The following VPS35L variants were observed in gnomAD, a reference collection of about 807,000 sequenced individuals.
VPS35L encodes the protein VPS35 endosomal protein sorting factor like.
A neutral mutation model predicts 133.0 loss-of-function variants in VPS35L; 83 were observed. The observed-to-expected ratio is 0.62, with a 90% CI of 0.52 to 0.75. The LOEUF is 0.75. VPS35L is among the 30% of genes least tolerant of loss of function. The probability of loss-of-function intolerance (pLI) is 0.00; values close to 1 mark genes in which losing one functional copy is unlikely to be tolerated. For synonymous variants in VPS35L, 423 were observed against 449.9 expected, an observed-to-expected ratio of 0.94 and a Z score of 0.76; for missense variants, 1,083 against 1,206.8, an observed-to-expected ratio of 0.90 and a Z score of 1.52.
chr16:19,628,993 T>C (rs1448238154), intron 17 of VPS35L, among the ~76,000 whole-genome samples: 2 of 152,184 alleles, frequency 1.3e-5, no homozygotes, highest in East Asian at 1.9e-4. Context: ...GTTTTCACCA[T>C]GTTGGTCAGG....
intron 28 of VPS35L, among the ~76,000 whole-genome samples, chr16:19,689,276 GTT>G (rs11327238): frequency 2.8e-5 from 4 of 144,190 alleles, no homozygotes; most frequent in Non-Finnish European, 6.1e-5. Flanking sequence ...TGTGCCTGGC[GTT>G]TTTTTTTTTT....
intron 6 of VPS35L, among the ~76,000 whole-genome samples, chr16:19,580,473 C>G (rs952290400): frequency 1.3e-5 from 2 of 151,956 alleles, no homozygotes; most frequent in Non-Finnish European, 2.9e-5. Context: ...ACATATAAAC[C>G]TTTGGTTCCA....
At position 19,628,625 on chromosome 16, in the gene VPS35L, C is replaced by G. The variant is rs772675601; in HGVS notation, c.1384-12C>G. 2 of 1,432,930 alleles carry G rather than the reference C, an allele frequency of 1.4e-6. No individual in the cohort carries two copies. The highest frequency in any genetic ancestry group is 1.9e-6 in the Non-Finnish European group (2 of 1,027,070). 88.8% of individuals were successfully genotyped at this position (1,432,930 alleles called of 1,614,324 possible). On this transcript the variant is annotated splice_polypyrimidine_tract_variant and intron_variant, in intron 16 of 30. Coordinates refer to ENST00000417362, the MANE Select transcript of VPS35L (RefSeq NM_020314.7). ...AAATTTCCATAACATGATGGTTTGA[C>G]ATGTTTCTTAGCATCTTCTTTTTCG... is the stretch of plus-strand genomic sequence containing the variant.
chr16:19,596,174 G>A (rs539258428), intron 8 of VPS35L, among the ~76,000 whole-genome samples: 2 of 152,198 alleles, frequency 1.3e-5, no homozygotes, highest in South Asian at 4.1e-4. Flanking sequence ...GCTTGCCCAG[G>A]GTCACCATCA....
chr16:19,587,257 G>A, intron 7 of VPS35L: 1 of 420,590 alleles, frequency 2.4e-6, no homozygotes, highest in Non-Finnish European at 4.8e-6. Context: ...AATTCGACAT[G>A]AGATTTGGGT....
At position 19,628,638 on chromosome 16, in the gene VPS35L, ATCT is replaced by A; in HGVS notation, c.1390_1392del (p.Leu464del). ...ATGATGGTTTGACATGTTTCTTAGCATCTTCTTTTTCGATCACTGGGATTAAAC... is the reference window on the plus strand; with the variant it reads ...ATGATGGTTTGACATGTTTCTTAGCATCTTTTTCGATCACTGGGATTAAAC... On this transcript the variant is annotated inframe_deletion and splice_region_variant, in exon 17 of 31. Coordinates refer to ENST00000417362, the MANE Select transcript of VPS35L (RefSeq NM_020314.7). 6.5e-7 allele frequency: 1 copy of A among 1,529,538 alleles called. No individual in the cohort carries two copies. 94.7% of individuals were successfully genotyped at this position (1,529,538 alleles called of 1,614,324 possible). A position where few individuals can be genotyped will look rare whatever the true frequency, so the allele number is the denominator to read the frequency against.
intron 2 of VPS35L, among the ~76,000 whole-genome samples, chr16:19,568,052 T>C (rs1971243044): frequency 6.6e-6 from 1 of 152,100 alleles, no homozygotes; most frequent in Admixed American, 6.6e-5. Context: ...CCCTCCCTCA[T>C]GTTCAATAAT....
chr16:19,577,251 G>A (rs547120803), intron 5 of VPS35L, among the ~76,000 whole-genome samples: 12 of 152,336 alleles, frequency 7.9e-5, no homozygotes, highest in Admixed American at 7.2e-4. Flanking sequence ...CACTCATGGT[G>A]AAAGCAAATG....
Position 19,639,968 on chromosome 16 carries a change from C to T in VPS35L, c.1699-47C>T. ...AAAGAGACCCACAGATTCCTTCCTTCCAATAACTTGTGTCATTTGCATATA... is the reference window on the plus strand; with the variant it reads ...AAAGAGACCCACAGATTCCTTCCTTTCAATAACTTGTGTCATTTGCATATA... On this transcript the variant is annotated intron_variant, in intron 20 of 30. Coordinates refer to ENST00000417362, the MANE Select transcript of VPS35L (RefSeq NM_020314.7). The surrounding 1 kb of genome is among the most constrained non-coding windows in gnomAD (Gnocchi z 4.1). The T allele has an allele frequency of 1.3e-6, 2 of 1,505,436 alleles. No individual in the cohort carries two copies. Among genetic ancestry groups the T allele is most frequent in the East Asian group, 4.5e-5 (2 of 44,302 alleles). The allele number at this position is 1,505,436 out of a possible 1,614,324, so 93.3% of individuals were successfully genotyped here.
At chr16:19,665,571 G>A (rs28768227) in intron 26 of VPS35L, among the ~76,000 whole-genome samples, 62,633 of 151,958 alleles carry the variant, frequency 0.41, 13,945 homozygotes, top group African/African-American at 0.58. Context: ...TTCTTTATCC[G>A]TTTGTCTGTT....
At chr16:19,578,254 C>G (rs114763487) in intron 5 of VPS35L, 1 of 448,398 alleles carries the variant, frequency 2.2e-6, no homozygotes, top group African/African-American at 2.0e-5. Flanking sequence ...AGTTCTGCAG[C>G]TCGACCCTAA....
intron 8 of VPS35L, among the ~76,000 whole-genome samples, chr16:19,595,521 C>T (rs1972185120): frequency 6.6e-6 from 1 of 152,244 alleles, no homozygotes; most frequent in East Asian, 1.9e-4. Flanking sequence ...GAATTAACCT[C>T]TTGGCCGTCT....
rs1021324077 is a variant in VPS35L, at chr16:19,652,252, C to T, written c.2221+162C>T. ...AATGTAGTAGTGCAATCATAGTTTC[C>T]TGTAACCTCGAACTCCTGGGCTCAA... On this transcript the variant is annotated intron_variant, in intron 26 of 30. Coordinates refer to ENST00000417362, the MANE Select transcript of VPS35L (RefSeq NM_020314.7). The T allele has an allele frequency of 9.9e-5, 59 of 598,324 alleles. No individual in the cohort carries two copies. In the African/African-American group the frequency reaches 1.0e-3, roughly 10 times the overall value. The allele number at this position is 598,324 out of a possible 1,614,324, so 37.1% of individuals were successfully genotyped here.
At chr16:19,572,052 C>T (rs1255065409) in intron 3 of VPS35L, among the ~76,000 whole-genome samples, 2 of 152,126 alleles carry the variant, frequency 1.3e-5, no homozygotes, top group Admixed American at 1.3e-4. Context: ...AACAGCAGTG[C>T]AGCATGTGTC....
At chr16:19,588,191 T>TATG (rs1555498178) in intron 7 of VPS35L, among the ~76,000 whole-genome samples, 15 of 95,834 alleles carry the variant, frequency 1.6e-4, no homozygotes, top group Admixed American at 1.1e-3. Context: ...ATGTATGTAT[T>TATG]TATTTATTGA....
intron 21 of VPS35L, 26 bp from the exon 22 acceptor site, chr16:19,642,370 G>A: frequency 6.2e-7 from 1 of 1,604,182 alleles, no homozygotes; most frequent in Non-Finnish European, 8.5e-7. Flanking sequence ...ACAAAACTTT[G>A]ACTTTTATCT....
At chr16:19,619,672 G>A (rs898025385) in intron 14 of VPS35L, among the ~76,000 whole-genome samples, 2 of 151,998 alleles carry the variant, frequency 1.3e-5, no homozygotes, top group African/African-American at 4.8e-5. Context: ...GCAGAAGCTG[G>A]GAATAAGCTC....
chr16:19,674,608 C>T (rs116446637), intron 27 of VPS35L, among the ~76,000 whole-genome samples: 3,226 of 152,188 alleles, frequency 0.021, 93 homozygotes, highest in African/African-American at 0.059. Context: ...CCCTCTTAAC[C>T]GGTTTTTACG....
intron 24 of VPS35L, among the ~76,000 whole-genome samples, chr16:19,650,118 G>A (rs192189851): frequency 3.7e-4 from 57 of 152,232 alleles, no homozygotes; most frequent in African/African-American, 1.3e-3. Flanking sequence ...CCAGAAAATG[G>A]TCACTAAAAT....
Sources: allele counts gnomAD v4.1 joint callset (sites outside exome capture counted in the v4.1 genomes callset), GRCh38; gene constraint gnomAD v4.1.1; non-coding constraint Gnocchi (gnomAD v3.1); transcripts MANE v1.5; gene names NCBI Gene and HGNC (gene_info 2026-07-23, HGNC 2026-07-21).